DTHD1: variants seen among roughly 807,000 people sequenced by gnomAD.
The protein encoded by DTHD1 is death domain-containing protein 1.
DTHD1 carries 59 observed loss-of-function variants against 74.8 expected under a neutral mutation model. That is an observed-to-expected ratio of 0.79 (90% CI 0.64 to 0.98). The LOEUF (loss-of-function observed/expected upper bound fraction) is 0.98, where lower values mean the gene tolerates loss of function less well. Among genes scored for constraint, DTHD1 ranks in the 50% least tolerant of loss-of-function variants. The pLI, the probability that DTHD1 is intolerant of heterozygous loss-of-function variation, is 0.00. For synonymous variants in DTHD1, 365 were observed against 371.1 expected (o/e 0.98, Z 0.19); for missense variants, 1,051 against 1,065.4 (o/e 0.99, Z 0.19).
intron 2 of DTHD1, among the ~76,000 whole-genome samples, chr4:36,286,340 T>C (rs1178520527): frequency 6.6e-6 from 1 of 152,198 alleles, no homozygotes; most frequent in African/African-American, 2.4e-5. Context: ...TGTTTCCTGG[T>C]TAGTGACTTC....
At position 36,284,059 on chromosome 4, in the gene DTHD1, G is replaced by A. The variant is rs1367627619; in HGVS notation, c.355G>A (p.Glu119Lys). Reference sequence around the variant, plus strand: ...TGCACTTCTAAAGAAAGAAGAAAAGGAGATTTGTAATTTATGCGGCATGCA... The same window carrying A: ...TGCACTTCTAAAGAAAGAAGAAAAGAAGATTTGTAATTTATGCGGCATGCA... ...TAALLKKEEKEICNLCGMHDE... is the reference protein window; with the variant it reads ...TAALLKKEEKKICNLCGMHDE... The change falls in exon 2 of 10, where the codon GAG becomes AAG. Residue 119 changes from glutamate to lysine, a missense_variant. Coordinates refer to ENST00000639862, the MANE Select transcript of DTHD1 (RefSeq NM_001170700.3). 1.3e-6 allele frequency: 2 copies of A among 1,537,020 alleles called. No individual in the cohort carries two copies. The highest frequency in any genetic ancestry group is 2.7e-5 in the African/African-American group (2 of 73,028).
At chr4:36,313,604 A>G (rs938159605) in intron 7 of DTHD1, among the ~76,000 whole-genome samples, 7 of 152,212 alleles carry the variant, frequency 4.6e-5, no homozygotes, top group Non-Finnish European at 8.8e-5. Flanking sequence ...ATTTACTGCT[A>G]GTAAATCTTC....
In DTHD1 at chr4:36,290,454, A is replaced by G; in HGVS notation, c.969A>G (p.Leu323=). 1 of 1,551,950 alleles carries G rather than the reference A, an allele frequency of 6.4e-7. No individual in the cohort carries two copies. Among genetic ancestry groups the G allele is most frequent in the South Asian group, 1.2e-5 (1 of 84,060 alleles). Reference sequence around the variant, plus strand: ...CACCATCATATGTTCTACAACAACTAGAATGCCGGATAATAAATCACATGA... The same window carrying G: ...CACCATCATATGTTCTACAACAACTGGAATGCCGGATAATAAATCACATGA... The part of the protein sequence containing the change: ...ITAPSYVLQQ[L]ECRIINHMSS... Residue 323 remains leucine, a synonymous_variant, in exon 3 of 10, where the codon CTA becomes CTG. Transcript: ENST00000639862.
intron 3 of DTHD1, 75 bp downstream of exon 3, chr4:36,290,778 T>A: frequency 8.5e-7 from 1 of 1,183,146 alleles, no homozygotes; most frequent in Non-Finnish European, 1.2e-6. Context: ...TAACAGATTG[T>A]AGTGTAGATA....
intron 8 of DTHD1, among the ~76,000 whole-genome samples, chr4:36,323,065 C>T (rs558824670): frequency 7.9e-5 from 12 of 152,338 alleles, no homozygotes; most frequent in Admixed American, 6.5e-4. Context: ...GGCTCCAGAT[C>T]TGACTGCTGT....
intron 9 of DTHD1, 29 bp downstream of exon 9, chr4:36,339,198 T>G: frequency 6.8e-7 from 1 of 1,478,082 alleles, no homozygotes; most frequent in Non-Finnish European, 9.2e-7. Flanking sequence ...GTCATCATTA[T>G]AGTGCTTCCC....
chr4:36,289,378 T>C (rs1755919024), intron 2 of DTHD1, among the ~76,000 whole-genome samples: 1 of 152,176 alleles, frequency 6.6e-6, no homozygotes, highest in Admixed American at 6.5e-5. Context: ...CAATTTGTAA[T>C]GAATAAAGTA....
At chr4:36,329,888 T>C (rs985065702) in intron 8 of DTHD1, among the ~76,000 whole-genome samples, 1 of 152,214 alleles carries the variant, frequency 6.6e-6, no homozygotes, top group Non-Finnish European at 1.5e-5. Flanking sequence ...AATATTGTTA[T>C]GTTTTAATTG....
intron 8 of DTHD1, among the ~76,000 whole-genome samples, chr4:36,325,253 TTTTTGAG>T: frequency 6.6e-6 from 1 of 152,342 alleles, no homozygotes; most frequent in Non-Finnish European, 1.5e-5. Context: ...AGACCCTTAG[TTTTTGAG>T]TAAACAACAA....
intron 1 of DTHD1, 104 bp downstream of exon 1, chr4:36,282,133 T>C: frequency 1.0e-6 from 1 of 976,708 alleles, no homozygotes. Context: ...ATAGAGTTTC[T>C]GTCCACAAGA....
At chr4:36,318,612 C>CTTTTTTTTTTTT (rs397992934) in intron 8 of DTHD1, among the ~76,000 whole-genome samples, 328 of 111,734 alleles carry the variant, frequency 2.9e-3, no homozygotes, top group Non-Finnish European at 3.2e-3. Context: ...TTTTTCTTTT[C>CTTTTTTTTTTTT]TTTTTTTTTT....
intron 5 of DTHD1, among the ~76,000 whole-genome samples, chr4:36,299,998 A>C (rs906935867): frequency 1.3e-5 from 2 of 152,054 alleles, no homozygotes; most frequent in African/African-American, 2.4e-5. Flanking sequence ...GCCCTTATTT[A>C]AATCTCCCTA....
At position 36,345,906 on chromosome 4, in the gene DTHD1, ATATG is replaced by A. The variant is rs1462247866; in HGVS notation, c.*2088_*2091del. 6.5e-6 allele frequency: 1 copy of A among 152,682 alleles called. No homozygotes were observed. The highest frequency in any genetic ancestry group is 2.4e-5 in the African/African-American group (1 of 41,412). The allele number at this position is 152,682 out of a possible 1,614,324, so 9.5% of individuals were successfully genotyped here. On this transcript the variant is annotated 3_prime_UTR_variant, in exon 10 of 10. Coordinates refer to ENST00000639862, the MANE Select transcript of DTHD1 (RefSeq NM_001170700.3). ...TGTTCACCTGCATGCACACATGCTAATATGTATGTCCCATCACACACATCCCTGC... is the reference window on the plus strand; with the variant it reads ...TGTTCACCTGCATGCACACATGCTAATATGTCCCATCACACACATCCCTGC...
At chr4:36,289,995 T>C (rs1755964276) in intron 2 of DTHD1, among the ~76,000 whole-genome samples, 1 of 152,132 alleles carries the variant, frequency 6.6e-6, no homozygotes, top group Admixed American at 6.5e-5. Context: ...TAGTACTGAT[T>C]TTACCAAGAA....
At chr4:36,299,301 G>A (rs1326649884) in intron 5 of DTHD1, among the ~76,000 whole-genome samples, 1 of 152,090 alleles carries the variant, frequency 6.6e-6, no homozygotes, top group African/African-American at 2.4e-5. Context: ...TACCACCTTT[G>A]ATATAACATG....
At position 36,345,444 on chromosome 4, in the gene DTHD1, AC is replaced by A. The variant is rs1261969255; in HGVS notation, c.*1622del. The stretch of plus-strand genomic sequence containing the variant: ...TAGCAATTAGTTTCAGTTATTGAAT[AC>A]CTAGGAATTAATTGAGTTATATTAC... On this transcript the variant is annotated 3_prime_UTR_variant, in exon 10 of 10. Transcript: ENST00000639862. The A allele has an allele frequency of 2.6e-5, 4 of 152,226 alleles. No individual in the cohort carries two copies. The highest frequency in any genetic ancestry group is 2.0e-4 in the Admixed American group (3 of 15,276). The allele number at this position is 152,226 out of a possible 1,614,324, so 9.4% of individuals were successfully genotyped here.
At chr4:36,299,254 G>A (rs951255985) in intron 5 of DTHD1, among the ~76,000 whole-genome samples, 7 of 152,184 alleles carry the variant, frequency 4.6e-5, no homozygotes, top group African/African-American at 1.4e-4. Flanking sequence ...GTTTGGGAGA[G>A]AGCATAGTTC....
At position 36,310,570 on chromosome 4, in the gene DTHD1, GC is replaced by G. The variant is rs143813550; in HGVS notation, c.2095+2078del. 9.1e-3 allele frequency among the ~76,000 whole-genome samples: 1,391 copies of G among 152,188 alleles called. 6 individuals are homozygous for G. The highest frequency in any genetic ancestry group is 0.016 in the Non-Finnish European group (1,062 of 67,996). On this transcript the variant is annotated intron_variant, in intron 7 of 9. Coordinates refer to ENST00000639862, the MANE Select transcript of DTHD1 (RefSeq NM_001170700.3). ...CTACATACTTTACTTGAGGGGATGTGCTCCGTTTACTTATAAATTAATATGG... is the reference window on the plus strand; with the variant it reads ...CTACATACTTTACTTGAGGGGATGTGTCCGTTTACTTATAAATTAATATGG...
chr4:36,281,826 A>C lies in DTHD1; in HGVS notation c.68A>C (p.Gln23Pro). The C allele has an allele frequency of 8.0e-7, 1 of 1,243,024 alleles. No homozygotes were observed. The highest frequency in any genetic ancestry group is 1.0e-6 in the Non-Finnish European group (1 of 992,066). The allele number at this position is 1,243,024 out of a possible 1,614,324, so 77.0% of individuals were successfully genotyped here. ...QILKQIWRQN[Q>P]MLKQALLGDD... ...TTGAAGCAGATTTGGAGACAAAACC[A>C]GATGCTAAAGCAGGCACTCTTGGGT... Residue 23 changes from glutamine to proline, a missense_variant, in exon 1 of 10, where the codon CAG becomes CCG. By Grantham distance (76) the Gln-to-Pro change is moderately conservative (BLOSUM62 -1). Transcript: ENST00000639862.
Sources: gnomAD v4.1 joint callset for allele counts (sites outside exome capture counted in the v4.1 genomes callset) on GRCh38, gnomAD v4.1.1 for gene constraint, MANE v1.5 for transcripts, NCBI Gene and HGNC (gene_info 2026-07-23, HGNC 2026-07-21) for gene names.